The following CACNA2D1 variants were observed in gnomAD, a reference collection of about 807,000 sequenced individuals.
CACNA2D1 encodes voltage-dependent calcium channel subunit alpha-2/delta-1.
A neutral mutation model predicts 171.5 loss-of-function variants in CACNA2D1; 53 were observed. That is an observed-to-expected ratio of 0.31 (90% CI 0.25 to 0.39). The LOEUF is 0.39. Ranked by LOEUF, CACNA2D1 falls within the 10% of genes least tolerant of loss-of-function variation. The pLI is 1.00. For missense variants in CACNA2D1, 903 were observed against 1,299.8 expected (o/e 0.69, Z 4.69); for synonymous variants, 442 against 443.1 (o/e 1.00, Z 0.03).
intron 3 of CACNA2D1, among the ~76,000 whole-genome samples, chr7:82,288,171 C>A (rs1390008486): frequency 6.6e-6 from 1 of 152,024 alleles, no homozygotes; most frequent in Non-Finnish European, 1.5e-5. Flanking sequence ...CTTCAAGTGC[C>A]ATAGAGTAAA....
intron 1 of CACNA2D1, among the ~76,000 whole-genome samples, chr7:82,381,313 CA>C (rs11307965): frequency 0.3 from 22,124 of 74,676 alleles, 1,338 homozygotes; most frequent in African/African-American, 0.37. Flanking sequence ...GACTCTGTCT[CA>C]AAAAAAAAAA....
At chr7:82,050,137 G>C (rs574644882) in intron 10 of CACNA2D1, among the ~76,000 whole-genome samples, 1 of 152,126 alleles carries the variant, frequency 6.6e-6, no homozygotes, top group Non-Finnish European at 1.5e-5. Flanking sequence ...AAAGCACATA[G>C]GAAATGGAAC....
chr7:82,056,008 T>TAA (rs1805846852), intron 10 of CACNA2D1, among the ~76,000 whole-genome samples: 3 of 9,840 alleles, frequency 3.0e-4, no homozygotes, highest in Non-Finnish European at 5.3e-4. Flanking sequence ...TACTCAAAAG[T>TAA]TAAAAAAAAA....
chr7:82,024,683 T>C lies in CACNA2D1; in HGVS notation c.1143+8114A>G, dbSNP rs183096057. Reference sequence around the variant, plus strand: ...CACTTATTTTTGGATTTATTACCTATGTTTTTAGTGCTGTATCCATGAAAT... The same window carrying C: ...CACTTATTTTTGGATTTATTACCTACGTTTTTAGTGCTGTATCCATGAAAT... On this transcript the variant is annotated intron_variant, in intron 12 of 38. Coordinates refer to ENST00000356860, the MANE Select transcript of CACNA2D1 (RefSeq NM_000722.4). 1.8e-4 allele frequency among the ~76,000 whole-genome samples: 28 copies of C among 151,846 alleles called. No individual in the cohort carries two copies. The East Asian group carries it at 2.1e-3, about 12-fold the overall frequency.
At chr7:82,013,384 C>A in intron 14 of CACNA2D1, 77 bp downstream of exon 14, 2 of 516,574 alleles carry the variant, frequency 3.9e-6, no homozygotes, top group Non-Finnish European at 6.1e-6. Context: ...TAATTTTCTC[C>A]ATATTGAGCA....
intron 3 of CACNA2D1, among the ~76,000 whole-genome samples, chr7:82,196,297 G>A (rs1798845154): frequency 6.6e-6 from 1 of 152,044 alleles, no homozygotes; most frequent in South Asian, 2.1e-4. Context: ...GACAGGAAGA[G>A]TGCCATGTTA....
chr7:82,333,082 A>C (rs1438374599), intron 3 of CACNA2D1, among the ~76,000 whole-genome samples: 2 of 152,178 alleles, frequency 1.3e-5, no homozygotes, highest in Non-Finnish European at 2.9e-5. Flanking sequence ...TTATGAAAAA[A>C]ATTTTTAAAG....
At chr7:82,146,351 G>GCT (rs1554429952) in intron 4 of CACNA2D1, among the ~76,000 whole-genome samples, 2 of 123,406 alleles carry the variant, frequency 1.6e-5, no homozygotes, top group African/African-American at 6.0e-5. Context: ...TAGAAGAAAT[G>GCT]ATATATATAT....
chr7:81,982,429 TCA>T, intron 24 of CACNA2D1, 136 bp downstream of exon 24: 3 of 659,182 alleles, frequency 4.6e-6, no homozygotes, highest in Non-Finnish European at 8.2e-6. Flanking sequence ...AGATTTTGTT[TCA>T]GTTTTAAAGT....
chr7:81,968,490 C>T (rs1794939221), intron 29 of CACNA2D1, among the ~76,000 whole-genome samples: 1 of 151,318 alleles, frequency 6.6e-6, no homozygotes, highest in Non-Finnish European at 1.5e-5. Context: ...TCTTTTCCCT[C>T]AGGGCTGGAA....
Position 82,249,473 on chromosome 7 carries a change from C to T in CACNA2D1, c.295-78864G>A, listed in dbSNP as rs538349995. On this transcript the variant is annotated intron_variant, in intron 3 of 38. Transcript: ENST00000356860. The stretch of plus-strand genomic sequence containing the variant: ...ATGAGGCTGAAAAGGTGTTCCAGAA[C>T]CAGATTATGAAAGATCATTTTGACT... Among the ~76,000 whole-genome samples the T allele has an allele frequency of 2.0e-5, 3 of 152,234 alleles. No homozygotes were observed. The South Asian group carries it at 6.2e-4, about 32-fold the overall frequency.
At chr7:82,326,556 CATAGCAGACAGTCAGT>C (rs1158632008) in intron 3 of CACNA2D1, among the ~76,000 whole-genome samples, 3 of 152,154 alleles carry the variant, frequency 2.0e-5, no homozygotes, top group African/African-American at 4.8e-5. Flanking sequence ...GCATCTGGAC[CATAGCAGACAGTCAGT>C]AAATGCTACT....
intron 3 of CACNA2D1, among the ~76,000 whole-genome samples, chr7:82,304,085 A>T (rs1043444262): frequency 6.8e-6 from 1 of 147,202 alleles, no homozygotes; most frequent in African/African-American, 2.5e-5. Context: ...CAGGTATATT[A>T]AAAAAAAGTT....
intron 4 of CACNA2D1, among the ~76,000 whole-genome samples, chr7:82,140,153 T>G (rs1472578858): frequency 6.6e-6 from 1 of 151,880 alleles, no homozygotes. Context: ...GGTCAAAATA[T>G]CAATGAAAAA....
At chr7:82,394,264 T>TA (rs1240713434) in intron 1 of CACNA2D1, among the ~76,000 whole-genome samples, 3 of 151,510 alleles carry the variant, frequency 2.0e-5, no homozygotes, top group Non-Finnish European at 4.4e-5. Context: ...TTATAAATCT[T>TA]ATAGAGCTTA....
At chr7:82,260,021 G>A (rs181784161) in intron 3 of CACNA2D1, among the ~76,000 whole-genome samples, 45 of 152,224 alleles carry the variant, frequency 3.0e-4, no homozygotes, top group African/African-American at 1.0e-3. Context: ...TCAGGAGTTC[G>A]AGACCAGCCT....
chr7:82,153,780 C>T (rs1477839133), intron 4 of CACNA2D1, among the ~76,000 whole-genome samples: 4 of 151,832 alleles, frequency 2.6e-5, no homozygotes, highest in African/African-American at 9.7e-5. Context: ...TTCCTCCCTC[C>T]ACCCACCAAA....
At chr7:82,251,697 C>T (rs890503339) in intron 3 of CACNA2D1, among the ~76,000 whole-genome samples, 1 of 152,108 alleles carries the variant, frequency 6.6e-6, no homozygotes, top group Non-Finnish European at 1.5e-5. Context: ...ATTTTCAGAG[C>T]CATACATTGA....
chr7:82,248,162 A>G (rs1473535771), intron 3 of CACNA2D1, among the ~76,000 whole-genome samples: 2 of 152,238 alleles, frequency 1.3e-5, no homozygotes, highest in African/African-American at 4.8e-5. Context: ...TAATAACCAT[A>G]ATAAAATGAT....
Sources: allele counts gnomAD v4.1 joint callset (sites outside exome capture counted in the v4.1 genomes callset), GRCh38; gene constraint gnomAD v4.1.1; transcripts MANE v1.5; gene names NCBI Gene and HGNC (gene_info 2026-07-23, HGNC 2026-07-21).